CNTN6: variants seen among roughly 807,000 people sequenced by gnomAD.
CNTN6 encodes the protein contactin 6.
In CNTN6, 137 loss-of-function variants were observed where a neutral mutation model predicts 122.8. That is an observed-to-expected ratio of 1.12 (90% CI 0.97 to 1.29). The LOEUF (loss-of-function observed/expected upper bound fraction) is 1.29. CNTN6 is among the 50% of genes most tolerant of loss of function. The probability of loss-of-function intolerance (pLI) is 0.00; values close to 1 mark genes in which losing one functional copy is unlikely to be tolerated. For missense variants in CNTN6, 1,634 were observed against 1,223.4 expected (o/e 1.34, Z -5.01); for synonymous variants, 570 against 426.0 (o/e 1.34, Z -4.16).
intron 1 of CNTN6, among the ~76,000 whole-genome samples, chr3:1,115,346 C>T (rs1172006546): frequency 6.6e-6 from 1 of 152,164 alleles, no homozygotes; most frequent in African/African-American, 2.4e-5. Flanking sequence ...AAGACCCCAA[C>T]TAAGTAATTA....
intron 7 of CNTN6, among the ~76,000 whole-genome samples, chr3:1,318,566 A>G (rs1378995950): frequency 6.6e-6 from 1 of 151,742 alleles, no homozygotes; most frequent in Non-Finnish European, 1.5e-5. Context: ...AAAGAACCCA[A>G]AGGAAAAGAG....
intron 1 of CNTN6, among the ~76,000 whole-genome samples, chr3:1,134,677 TTTTTTTG>T (rs1225924394): frequency 6.6e-6 from 1 of 151,752 alleles, no homozygotes. Flanking sequence ...TGAGTTTTGT[TTTTTTTG>T]TTTTTTGTTT....
chr3:1,236,074 G>T (rs1459533956), intron 4 of CNTN6, among the ~76,000 whole-genome samples: 1 of 152,052 alleles, frequency 6.6e-6, no homozygotes, highest in African/African-American at 2.4e-5. Flanking sequence ...CACCCAAGGA[G>T]AGGCTGAGCT....
chr3:1,369,174 G>C (rs942264233), intron 12 of CNTN6, among the ~76,000 whole-genome samples: 2 of 152,110 alleles, frequency 1.3e-5, no homozygotes, highest in Admixed American at 6.6e-5. Context: ...ACTACTACTT[G>C]CCTTTTACTT....
chr3:1,344,079 T>G (rs1422637861), intron 11 of CNTN6, among the ~76,000 whole-genome samples: 1 of 152,118 alleles, frequency 6.6e-6, no homozygotes, highest in African/African-American at 2.4e-5. Flanking sequence ...TTAAGTTAGT[T>G]ATTGAATCTC....
chr3:1,188,967 T>G (rs756206711), intron 2 of CNTN6, among the ~76,000 whole-genome samples: 22 of 152,172 alleles, frequency 1.4e-4, no homozygotes, highest in Non-Finnish European at 2.4e-4. Context: ...AACACAGACC[T>G]GGCAGAAGCT....
At chr3:1,279,032 C>A (rs1334526991) in intron 5 of CNTN6, among the ~76,000 whole-genome samples, 2 of 152,124 alleles carry the variant, frequency 1.3e-5, no homozygotes, top group Non-Finnish European at 2.9e-5. Flanking sequence ...TATGGAGAAG[C>A]AAATTCCAAC....
rs566611432 is a variant in CNTN6, at chr3:1,210,656, C to T, written c.56-10031C>T. On this transcript the variant is annotated intron_variant, in intron 2 of 22. Transcript: ENST00000446702. ...TGTCACTCTGGACTTGGAGTCAAAC[C>T]TGGATTTGAATGCCAGCTCTGGACT... Among the ~76,000 whole-genome samples, 9 of 152,190 alleles carry T rather than the reference C, an allele frequency of 5.9e-5. No individual in the cohort carries two copies. In the South Asian group the frequency reaches 1.5e-3, roughly 25 times the overall value.
Position 1,402,491 on chromosome 3 carries a change from G to T in CNTN6, c.2986+5G>T. 1 of 1,604,274 alleles carries T rather than the reference G, an allele frequency of 6.2e-7. No homozygotes were observed. The highest frequency in any genetic ancestry group is 1.3e-5 in the African/African-American group (1 of 74,806). On this transcript the variant is annotated splice_donor_5th_base_variant and intron_variant, in intron 22 of 22. Coordinates refer to ENST00000446702, the MANE Select transcript of CNTN6 (RefSeq NM_001289080.2). Reference sequence around the variant, plus strand: ...TTAGGATTCCAAAAATGTCAAGTAAGTTGAGTCACCATTGCTGTAGTAGAT... The same window carrying T: ...TTAGGATTCCAAAAATGTCAAGTAATTTGAGTCACCATTGCTGTAGTAGAT...
At chr3:1,145,097 G>C (rs1038874521) in intron 1 of CNTN6, among the ~76,000 whole-genome samples, 1 of 152,136 alleles carries the variant, frequency 6.6e-6, no homozygotes, top group Admixed American at 6.6e-5. Context: ...ATTTGGGGTT[G>C]AGTCTTAGCA....
intron 4 of CNTN6, among the ~76,000 whole-genome samples, chr3:1,254,066 A>G (rs188885463): frequency 1.3e-5 from 2 of 152,314 alleles, no homozygotes; most frequent in Non-Finnish European, 2.9e-5. Flanking sequence ...ACATACAGAA[A>G]TGTCTATAAA....
chr3:1,388,357 T>C lies in CNTN6; in HGVS notation c.2704+2560T>C, dbSNP rs561033314. Among the ~76,000 whole-genome samples the C allele has an allele frequency of 1.2e-3, 163 of 139,970 alleles. 3 individuals carry two copies. The highest frequency in any genetic ancestry group is 2.1e-3 in the Non-Finnish European group (126 of 61,296). 91.8% of individuals were successfully genotyped at this position (139,970 alleles called of 152,430 possible). A position where few individuals can be genotyped will look rare whatever the true frequency, so the allele number is the denominator to read the frequency against. On this transcript the variant is annotated intron_variant, in intron 20 of 22. Transcript: ENST00000446702. ...CAGACCTGAAGCTGAGGGTCCTGTC[T>C]GTTAGAAGGAAAACTAACAAACAGA...
chr3:1,257,306 G>A (rs17036743), intron 4 of CNTN6, among the ~76,000 whole-genome samples: 1 of 151,666 alleles, frequency 6.6e-6, no homozygotes, highest in Admixed American at 6.6e-5. Flanking sequence ...ATTTTAACTT[G>A]GCTAGTTGTG....
At chr3:1,105,112 G>T (rs1200696379) in intron 1 of CNTN6, among the ~76,000 whole-genome samples, 3 of 151,970 alleles carry the variant, frequency 2.0e-5, no homozygotes, top group Non-Finnish European at 4.4e-5. Context: ...TGTCCTTTAG[G>T]AAGACAACTC....
At chr3:1,170,945 C>G (rs1003892333) in intron 2 of CNTN6, among the ~76,000 whole-genome samples, 1 of 152,122 alleles carries the variant, frequency 6.6e-6, no homozygotes, top group East Asian at 1.9e-4. Context: ...TACAGACTTG[C>G]AAGAATGCAA....
Position 1,372,315 on chromosome 3 carries a change from C to T in CNTN6, c.1509C>T (p.Thr503=), listed in dbSNP as rs992974545. 1.6e-5 allele frequency: 25 copies of T among 1,608,304 alleles called. No individual in the cohort carries two copies. The highest frequency in any genetic ancestry group is 2.7e-5 in the African/African-American group (2 of 74,572). Reference sequence around the variant, plus strand: ...TCTCAACAGAGAGAACTGTCATTACCGTCCCACCTTCCAAAATGGATGTTA... The same window carrying T: ...TCTCAACAGAGAGAACTGTCATTACTGTCCCACCTTCCAAAATGGATGTTA... The part of the protein sequence containing the change: ...SLIVKERTVI[T]VPPSKMDVTV... The change falls in exon 13 of 23, where the codon ACC becomes ACT. Residue 503 remains threonine, a synonymous_variant. Transcript: ENST00000446702.
intron 4 of CNTN6, among the ~76,000 whole-genome samples, chr3:1,237,477 G>C (rs571422903): frequency 5.3e-5 from 8 of 152,178 alleles, no homozygotes; most frequent in Non-Finnish European, 1.0e-4. Context: ...AAATATGTCT[G>C]AGAGAATAAT....
At chr3:1,201,106 TGTG>T (rs1420247058) in intron 2 of CNTN6, among the ~76,000 whole-genome samples, 2 of 55,476 alleles carry the variant, frequency 3.6e-5, no homozygotes, top group African/African-American at 2.3e-4. Context: ...ATTTTGTGTG[TGTG>T]TGTGTGTGTG....
At chr3:1,366,593 T>G (rs1708250862) in intron 12 of CNTN6, among the ~76,000 whole-genome samples, 1 of 152,156 alleles carries the variant, frequency 6.6e-6, no homozygotes. Flanking sequence ...CAGTTTTGCA[T>G]ATTTCAACTG....
Sources: gnomAD v4.1 joint callset for allele counts (sites outside exome capture counted in the v4.1 genomes callset) on GRCh38, gnomAD v4.1.1 for gene constraint, MANE v1.5 for transcripts, NCBI Gene and HGNC (gene_info 2026-07-23, HGNC 2026-07-21) for gene names.